Variants in NPAS3 observed in about 807,000 individuals in gnomAD.
NPAS3 encodes the protein neuronal PAS domain-containing protein 3.
In NPAS3, 14 loss-of-function variants were observed where a neutral mutation model predicts 73.1. The observed-to-expected ratio is 0.19, with a 90% CI of 0.13 to 0.30. NPAS3 has a LOEUF of 0.30. Ranked by LOEUF, NPAS3 falls within the 10% of genes least tolerant of loss-of-function variation. NPAS3 has a pLI of 1.00. For missense variants in NPAS3, 1,096 were observed against 1,250.0 expected, an observed-to-expected ratio of 0.88 and a Z score of 1.86; for synonymous variants, 620 against 541.5, an observed-to-expected ratio of 1.14 and a Z score of -2.01.
At chr14:33,337,802 TTTGC>T (rs2044296091) in intron 3 of NPAS3, among the ~76,000 whole-genome samples, 1 of 152,092 alleles carries the variant, frequency 6.6e-6, no homozygotes, top group Non-Finnish European at 1.5e-5. Context: ...TGTACTTTTG[TTTGC>T]TAAATTTATT....
chr14:33,626,791 A>T (rs1254076928), intron 5 of NPAS3, among the ~76,000 whole-genome samples: 1 of 152,200 alleles, frequency 6.6e-6, no homozygotes, highest in South Asian at 2.1e-4. Flanking sequence ...CAAATACATC[A>T]GTTTTGTAGT....
intron 5 of NPAS3, among the ~76,000 whole-genome samples, chr14:33,615,130 G>C (rs12880401): frequency 1.3e-5 from 2 of 151,934 alleles, no homozygotes; most frequent in Non-Finnish European, 2.9e-5. Flanking sequence ...AGGGCAATAA[G>C]TAATCCACCA....
At chr14:33,458,356 T>C (rs1430464641) in intron 4 of NPAS3, among the ~76,000 whole-genome samples, 1 of 152,242 alleles carries the variant, frequency 6.6e-6, no homozygotes. Flanking sequence ...TTTGAATCAC[T>C]TTAAATTTTC....
intron 4 of NPAS3, among the ~76,000 whole-genome samples, chr14:33,389,407 A>C (rs1254604564): frequency 6.6e-6 from 1 of 152,216 alleles, no homozygotes; most frequent in Non-Finnish European, 1.5e-5. Context: ...ATAATTCACT[A>C]GTCTTCCTAA....
At chr14:32,965,601 C>T (rs376518136) in intron 1 of NPAS3, among the ~76,000 whole-genome samples, 26 of 152,116 alleles carry the variant, frequency 1.7e-4, no homozygotes, top group Middle Eastern at 3.2e-3. Context: ...CAGCTAACAT[C>T]GTACTGAATG....
At chr14:33,545,935 G>A (rs1158153110) in intron 4 of NPAS3, among the ~76,000 whole-genome samples, 3 of 152,166 alleles carry the variant, frequency 2.0e-5, no homozygotes, top group African/African-American at 2.4e-5. Context: ...GCCACAGAAT[G>A]TGCTCCTTAG....
chr14:33,159,266 C>A (rs2044762137), intron 2 of NPAS3, among the ~76,000 whole-genome samples: 1 of 152,316 alleles, frequency 6.6e-6, no homozygotes, highest in South Asian at 2.1e-4. Context: ...CTGTCATACA[C>A]TATCAATTTG....
chr14:33,143,048 T>C (rs1487012555), intron 2 of NPAS3, among the ~76,000 whole-genome samples: 1 of 152,146 alleles, frequency 6.6e-6, no homozygotes, highest in Non-Finnish European at 1.5e-5. Context: ...GAGGTTGCAA[T>C]GAGCTGAGGT....
intron 4 of NPAS3, among the ~76,000 whole-genome samples, chr14:33,487,924 T>C (rs1268728822): frequency 1.3e-5 from 2 of 152,166 alleles, no homozygotes; most frequent in Non-Finnish European, 2.9e-5. Context: ...GTCTTTCGAA[T>C]TGAAGGATCT....
intron 3 of NPAS3, among the ~76,000 whole-genome samples, chr14:33,342,403 C>T (rs1318836600): frequency 8.5e-5 from 13 of 152,164 alleles, no homozygotes; most frequent in Admixed American, 8.5e-4. Flanking sequence ...GTTTGCAGTT[C>T]ACCTTTGCAT....
intron 3 of NPAS3, among the ~76,000 whole-genome samples, chr14:33,348,088 A>G (rs1031893563): frequency 3.3e-5 from 5 of 152,176 alleles, no homozygotes; most frequent in African/African-American, 1.2e-4. Context: ...GTATGCTCAC[A>G]TGTGGTATCC....
chr14:33,587,868 T>A (rs1255379159), intron 5 of NPAS3, among the ~76,000 whole-genome samples: 1 of 152,170 alleles, frequency 6.6e-6, no homozygotes, highest in Non-Finnish European at 1.5e-5. Flanking sequence ...ACCAGTTACG[T>A]TAAGGAGCAC....
chr14:33,204,019 G>T, intron 2 of NPAS3, among the ~76,000 whole-genome samples: 1 of 152,114 alleles, frequency 6.6e-6, no homozygotes, highest in Non-Finnish European at 1.5e-5. Context: ...CATTCTAACT[G>T]GTGTGAGATG....
intron 4 of NPAS3, among the ~76,000 whole-genome samples, chr14:33,388,517 T>C (rs1229524265): frequency 6.6e-6 from 1 of 151,714 alleles, no homozygotes; most frequent in African/African-American, 2.4e-5. Context: ...GGGGCAGAAA[T>C]AGACTCTGAA....
chr14:32,939,460 C>T, intron 1 of NPAS3, 94 bp downstream of exon 1: 1 of 313,366 alleles, frequency 3.2e-6, no homozygotes, highest in Non-Finnish European at 5.7e-6. Flanking sequence ...AGCCCGCCCG[C>T]CTCCTGGGCC....
intron 4 of NPAS3, among the ~76,000 whole-genome samples, chr14:33,435,777 T>C (rs1366167626): frequency 6.6e-6 from 1 of 152,244 alleles, no homozygotes; most frequent in Non-Finnish European, 1.5e-5. Flanking sequence ...TCCCTTTCGA[T>C]GTACATAGTG....
chr14:33,010,439 G>A (rs1388847219), intron 1 of NPAS3, among the ~76,000 whole-genome samples: 2 of 152,190 alleles, frequency 1.3e-5, no homozygotes, highest in Non-Finnish European at 2.9e-5. Context: ...GCCAATCTAT[G>A]TAAGAAGGTA....
intron 2 of NPAS3, among the ~76,000 whole-genome samples, chr14:33,095,044 A>G (rs940392430): frequency 6.6e-6 from 1 of 152,242 alleles, no homozygotes. Flanking sequence ...AGTTGGCAAA[A>G]AGCAGTTAAC....
intron 5 of NPAS3, among the ~76,000 whole-genome samples, chr14:33,674,666 G>T (rs1424276922): frequency 6.6e-6 from 1 of 152,186 alleles, no homozygotes; most frequent in Non-Finnish European, 1.5e-5. Context: ...TATAGTCAGT[G>T]GTTGGGTGAT....
Sources: allele counts gnomAD v4.1 joint callset (sites outside exome capture counted in the v4.1 genomes callset), GRCh38; gene constraint gnomAD v4.1.1; transcripts MANE v1.5; gene names NCBI Gene and HGNC (gene_info 2026-07-23, HGNC 2026-07-21).